DNAH12: variants seen among roughly 807,000 people sequenced by gnomAD.
The protein encoded by DNAH12 is axonemal beta dynein heavy chain 12.
Under a neutral mutation model 371.5 loss-of-function variants are expected in DNAH12, and 285 were observed. The ratio of observed to expected loss-of-function variants is 0.77; its 90% CI spans 0.70 to 0.85. The LOEUF (loss-of-function observed/expected upper bound fraction) is 0.85, where lower values mean the gene tolerates loss of function less well. Ranked by LOEUF, DNAH12 falls within the 40% of genes least tolerant of loss-of-function variation. The pLI, the probability that DNAH12 is intolerant of heterozygous loss-of-function variation, is 0.00. For missense variants in DNAH12, 3,611 were observed against 3,689.4 expected, an observed-to-expected ratio of 0.98 and a Z score of 0.55; for synonymous variants, 1,200 against 1,213.0, an observed-to-expected ratio of 0.99 and a Z score of 0.22.
intron 2 of DNAH12, among the ~76,000 whole-genome samples, chr3:57,537,436 G>A (rs1002875921): frequency 6.6e-6 from 1 of 151,868 alleles, no homozygotes; most frequent in East Asian, 1.9e-4. Flanking sequence ...GCATTCCCAG[G>A]GACTGGTCCT....
At chr3:57,428,244 G>T (rs779052097) in intron 34 of DNAH12, 10 of 677,060 alleles carry the variant, frequency 1.5e-5, no homozygotes, top group African/African-American at 2.0e-5. Flanking sequence ...TAGCCATCAA[G>T]TTTGTGGCAA....
At chr3:57,480,385 T>C (rs2066696578) in intron 13 of DNAH12, among the ~76,000 whole-genome samples, 2 of 151,890 alleles carry the variant, frequency 1.3e-5, no homozygotes, top group African/African-American at 2.4e-5. Flanking sequence ...AAGTTGAATC[T>C]CTGAATAGAC....
chr3:57,446,553 T>G lies in DNAH12; in HGVS notation c.3923A>C (p.Tyr1308Ser), dbSNP rs1575610807. Residue 1308 changes from tyrosine (Y) to serine (S), a missense_variant, in exon 26 of 74, where the codon TAT (tyrosine) becomes TCT (serine). Physicochemically the swap from Tyr to Ser is moderately radical, Grantham distance 144. Transcript: ENST00000495027. ...TTTAACTACCTTTCCCATTGCTAGA[T>G]AATCTAGCCCATCAGAACAGTTGAA... is the stretch of plus-strand genomic sequence containing the variant. ...VVFNCSDGLD[Y>S]LAMGKFFKGL... is the part of the protein sequence containing the mutation. The G allele has an allele frequency of 6.5e-7, 1 of 1,529,398 alleles. No individual in the cohort carries two copies. Among genetic ancestry groups the G allele is most frequent in the East Asian group, 2.5e-5 (1 of 40,632 alleles). 94.7% of individuals were successfully genotyped at this position (1,529,398 alleles called of 1,614,324 possible).
At chr3:57,401,320 C>G (rs1401907647) in intron 43 of DNAH12, among the ~76,000 whole-genome samples, 1 of 149,516 alleles carries the variant, frequency 6.7e-6, no homozygotes, top group African/African-American at 2.5e-5. Context: ...GAGGTTGAGG[C>G]AAGTGGATTG....
intron 17 of DNAH12, among the ~76,000 whole-genome samples, chr3:57,463,590 C>A (rs1286725805): frequency 6.6e-6 from 1 of 152,050 alleles, no homozygotes; most frequent in Non-Finnish European, 1.5e-5. Flanking sequence ...CATAAACTAG[C>A]ACACTTTTTG....
rs1381143462 is a variant in DNAH12 at position 57,457,993 on chromosome 3, A to G, written c.3064T>C (p.Leu1022=). Reference sequence around the variant, plus strand: ...ATCTCTAACATTTCATCATTAGATAAGAAGAAAAAACTAGGGAAAAACATG... The same window carrying G: ...ATCTCTAACATTTCATCATTAGATAGGAAGAAAAAACTAGGGAAAAACATG... ...KRLFFPRFFF[L]SNDEMLEILS... The change falls in exon 22 of 74, where the codon TTA becomes CTA. Residue 1022 remains leucine, a synonymous_variant. Transcript: ENST00000495027. 1 of 1,547,164 alleles carries G rather than the reference A, an allele frequency of 6.5e-7. No homozygotes were observed. Among genetic ancestry groups the G allele is most frequent in the Non-Finnish European group, 8.7e-7 (1 of 1,144,646 alleles).
chr3:57,465,602 A>G (rs902252119), intron 17 of DNAH12, among the ~76,000 whole-genome samples: 1 of 152,152 alleles, frequency 6.6e-6, no homozygotes, highest in Non-Finnish European at 1.5e-5. Flanking sequence ...TCAGAACCCA[A>G]GAGCCATAAA....
intron 51 of DNAH12, among the ~76,000 whole-genome samples, chr3:57,379,844 A>G (rs2063351314): frequency 7.8e-6 from 1 of 127,682 alleles, no homozygotes; most frequent in Non-Finnish European, 1.6e-5. Flanking sequence ...CTGTCTCCCA[A>G]AAAAAAAAAA....
chr3:57,432,255 T>C (rs2064979788), intron 32 of DNAH12, among the ~76,000 whole-genome samples: 1 of 149,758 alleles, frequency 6.7e-6, no homozygotes, highest in East Asian at 2.0e-4. Flanking sequence ...CTGCAACCTC[T>C]GCCTCCTGGG....
upstream of DNAH12, among the ~76,000 whole-genome samples, chr3:57,548,333 G>C (rs1163568755): frequency 6.6e-6 from 1 of 152,144 alleles, no homozygotes; most frequent in Non-Finnish European, 1.5e-5. Context: ...AGGTTAGTTT[G>C]AGGCCGAAAA....
intron 69 of DNAH12, among the ~76,000 whole-genome samples, chr3:57,303,336 G>A (rs2061401384): frequency 1.1e-5 from 1 of 92,036 alleles, no homozygotes; most frequent in Non-Finnish European, 2.0e-5. Flanking sequence ...AAAGACGCCA[G>A]CTCAAAAAAA....
chr3:57,321,331 CCTGA>C lies in DNAH12; in HGVS notation c.10524+1008_10524+1011del, dbSNP rs2061801416. Among the ~76,000 whole-genome samples, 3 of 152,108 alleles carry C rather than the reference CCTGA, an allele frequency of 2.0e-5. No individual in the cohort carries two copies. The South Asian group carries it at 6.2e-4, about 31-fold the overall frequency. ...AGTGTCATTAAGCAGAGGGAAAATA[CCTGA>C]CTTTCAAAGAATTTAGTTAATTTTA... On this transcript the variant is annotated intron_variant, in intron 65 of 73. Transcript: ENST00000495027.
At chr3:57,478,136 A>G (rs1480170197) in intron 13 of DNAH12, among the ~76,000 whole-genome samples, 1 of 152,240 alleles carries the variant, frequency 6.6e-6, no homozygotes, top group African/African-American at 2.4e-5. Flanking sequence ...GAGCTAAAGG[A>G]GGAAGTTCGA....
chr3:57,480,975 CA>C (rs1016407698), intron 13 of DNAH12, among the ~76,000 whole-genome samples: 2 of 152,112 alleles, frequency 1.3e-5, no homozygotes, highest in African/African-American at 4.8e-5. Flanking sequence ...ACTGAATGGG[CA>C]AAAACTGGAA....
intron 41 of DNAH12, among the ~76,000 whole-genome samples, chr3:57,405,375 C>T (rs547916883): frequency 2.2e-4 from 33 of 152,134 alleles, no homozygotes; most frequent in African/African-American, 7.5e-4. Context: ...TCATTCTGGG[C>T]GACTCCCATT....
Position 57,319,642 on chromosome 3 carries a change from C to T in DNAH12, c.10524+2701G>A, listed in dbSNP as rs190370809. Among the ~76,000 whole-genome samples, 444 of 152,158 alleles carry T rather than the reference C, an allele frequency of 2.9e-3. 1 individual carries two copies. The highest frequency in any genetic ancestry group is 9.8e-3 in the African/African-American group (408 of 41,482). On this transcript the variant is annotated intron_variant, in intron 65 of 73. Transcript: ENST00000495027. ...TTGCCCAGGCTGGAGTGCAGTGGCA[C>T]GATCTCAGCTCACTGCACCCTCCAC...
intron 39 of DNAH12, among the ~76,000 whole-genome samples, chr3:57,411,552 A>AAAAAG (rs2064206411): frequency 1.5e-5 from 1 of 68,390 alleles, no homozygotes; most frequent in African/African-American, 5.9e-5. Context: ...AAAAAAAAAA[A>AAAAAG]AAAGAAAGAA....
At chr3:57,335,137 T>G (rs2153308269) in intron 60 of DNAH12, among the ~76,000 whole-genome samples, 197 bp from the exon 61 acceptor site, 1 of 152,302 alleles carries the variant, frequency 6.6e-6, no homozygotes, top group Non-Finnish European at 1.5e-5. Flanking sequence ...GACTGTGGCC[T>G]CTGAGAGAAG....
At chr3:57,307,741 A>G (rs2061501365) in intron 69 of DNAH12, among the ~76,000 whole-genome samples, 2 of 152,092 alleles carry the variant, frequency 1.3e-5, no homozygotes, top group African/African-American at 2.4e-5. Context: ...GGCCTCCCAC[A>G]TTATTCCTGA....
Sources: gnomAD v4.1 joint callset for allele counts (sites outside exome capture counted in the v4.1 genomes callset) on GRCh38, gnomAD v4.1.1 for gene constraint, MANE v1.5 for transcripts, NCBI Gene and HGNC (gene_info 2026-07-23, HGNC 2026-07-21) for gene names.